ATIC: variants seen among roughly 807,000 people sequenced by gnomAD.
The protein encoded by ATIC is 5-aminoimidazole-4-carboxamide ribonucleotide formyltransferase/IMP cyclohydrolase.
A neutral mutation model predicts 72.5 loss-of-function variants in ATIC; 64 were observed. The observed-to-expected ratio is 0.88, with a 90% CI of 0.72 to 1.09. The LOEUF is 1.09. Among genes scored for constraint, ATIC ranks in the 50% least tolerant of loss-of-function variants. ATIC has a pLI of 0.00. For missense variants in ATIC, 787 were observed against 732.4 expected, an observed-to-expected ratio of 1.07 and a Z score of -0.86; for synonymous variants, 281 against 267.1, an observed-to-expected ratio of 1.05 and a Z score of -0.51.
At chr2:215,324,905 C>A (rs937917371) in intron 4 of ATIC, among the ~76,000 whole-genome samples, 3 of 152,038 alleles carry the variant, frequency 2.0e-5, no homozygotes, top group Non-Finnish European at 1.5e-5. Flanking sequence ...GTACTTTATA[C>A]TTCTATTAAA....
chr2:215,322,360 G>A (rs1181323570), intron 4 of ATIC, among the ~76,000 whole-genome samples: 2 of 130,386 alleles, frequency 1.5e-5, no homozygotes, highest in Non-Finnish European at 3.2e-5. Context: ...ATGGAGTTTC[G>A]CTCTTGTTGC....
In ATIC at chr2:215,318,192, T is replaced by TG. The variant is rs1181586514; in HGVS notation, c.188dup (p.Arg64ThrfsTer17). ...GAGTTGACGGGATTTCCTGAAATGTTGGGGGGACGTGTGAAAACTTTGCAT... is the reference window on the plus strand; with the variant it reads ...GAGTTGACGGGATTTCCTGAAATGTTGGGGGGGACGTGTGAAAACTTTGCAT... On this transcript the variant is annotated frameshift_variant, in exon 3 of 16. Transcript: ENST00000236959. LOFTEE classifies it high-confidence loss of function. 1 of 1,614,142 alleles carries TG rather than the reference T, an allele frequency of 6.2e-7. No homozygotes were observed. The highest frequency in any genetic ancestry group is 8.5e-7 in the Non-Finnish European group (1 of 1,180,006).
At chr2:215,367,680 C>T in the ATIC span, 1 of 661,694 alleles carries the variant, frequency 1.5e-6, no homozygotes, top group Non-Finnish European at 2.7e-6. Context: ...CAATGTCCAA[C>T]AAGTAAAATT....
chr2:215,312,784 CAG>C (rs1372264577), intron 2 of ATIC, among the ~76,000 whole-genome samples, 160 bp downstream of exon 2: 1 of 152,124 alleles, frequency 6.6e-6, no homozygotes, highest in African/African-American at 2.4e-5. Flanking sequence ...AAGTGAGGCT[CAG>C]AGAGATTTAG....
chr2:215,317,646 C>T (rs574629722), intron 2 of ATIC, among the ~76,000 whole-genome samples: 5 of 152,136 alleles, frequency 3.3e-5, no homozygotes, highest in East Asian at 3.9e-4. Flanking sequence ...CCATCACGCT[C>T]GGCTAATTTT....
intron 7 of ATIC, among the ~76,000 whole-genome samples, chr2:215,329,686 G>T (rs180700802): frequency 3.3e-5 from 5 of 152,312 alleles, no homozygotes; most frequent in Admixed American, 2.6e-4. Flanking sequence ...ACTAGATTAA[G>T]CAACTTTCAG....
rs372636429 is a variant in ATIC at position 215,312,500 on chromosome 2, T to C, written c.22T>C (p.Leu8=). The C allele has an allele frequency of 3.1e-6, 5 of 1,614,214 alleles. No homozygotes were observed. Among genetic ancestry groups the C allele is most frequent in the Non-Finnish European group, 8.5e-7 (1 of 1,180,030 alleles). MAPGQLA[L]FSVSDKTGLV... ...AGAAAAAATGTCTTCTCTTTCAGCC[T>C]TATTTAGTGTCTCTGACAAAACCGG... is the stretch of plus-strand genomic sequence containing the variant. Residue 8 remains leucine (L), a splice_region_variant and synonymous_variant, in exon 2 of 16, where the codon TTA becomes CTA. Coordinates refer to ENST00000236959, the MANE Select transcript of ATIC (RefSeq NM_004044.7).
At chr2:215,366,345 T>G in the ATIC span, among the ~76,000 whole-genome samples, 1 of 152,136 alleles carries the variant, frequency 6.6e-6, no homozygotes, top group East Asian at 1.9e-4. Context: ...CACTTTTGGA[T>G]TTGCAGAAAC....
rs533205793 is a variant in ATIC at position 215,326,332 on chromosome 2, C to T, written c.531+194C>T. On this transcript the variant is annotated intron_variant, in intron 6 of 15. Transcript: ENST00000236959. ...AAAAAGATTGAAAGAGAGCTGGGCG[C>T]GGTGGCTCACGCCTGTAATCCTAGC... is the stretch of plus-strand genomic sequence containing the variant. 4.6e-5 allele frequency among the ~76,000 whole-genome samples: 7 copies of T among 152,204 alleles called. No individual in the cohort carries two copies. In the East Asian group the frequency reaches 5.8e-4, roughly 13 times the overall value.
intron 14 of ATIC, among the ~76,000 whole-genome samples, chr2:215,348,281 T>G (rs2053092740): frequency 6.6e-6 from 1 of 152,200 alleles, no homozygotes; most frequent in African/African-American, 2.4e-5. Flanking sequence ...ATAAATGTAG[T>G]TAAAGAACTA....
intron 11 of ATIC, 53 bp from the exon 12 acceptor site, chr2:215,338,726 A>G: frequency 6.3e-7 from 1 of 1,575,158 alleles, no homozygotes; most frequent in Non-Finnish European, 8.7e-7. Flanking sequence ...ATTAAATGAA[A>G]AATTTGAGGG....
intron 7 of ATIC, among the ~76,000 whole-genome samples, 192 bp from the exon 8 acceptor site, chr2:215,332,190 A>AT (rs1196879375): frequency 2.8e-5 from 4 of 142,034 alleles, no homozygotes; most frequent in East Asian, 2.0e-4. Flanking sequence ...GTACATGTGC[A>AT]TTTTTTTTAA....
At chr2:215,347,704 T>A in intron 14 of ATIC, 1 of 479,222 alleles carries the variant, frequency 2.1e-6, no homozygotes, top group Non-Finnish European at 4.2e-6. Flanking sequence ...TTTTTTCAAC[T>A]TTGATACTTG....
intron 7 of ATIC, among the ~76,000 whole-genome samples, chr2:215,332,079 A>G (rs1559273516): frequency 6.6e-6 from 1 of 151,440 alleles, no homozygotes; most frequent in Non-Finnish European, 1.5e-5. Flanking sequence ...TCCCATCCCT[A>G]AATCTCTTAT....
Position 215,312,152 on chromosome 2 carries a change from G to A in ATIC, c.10G>A (p.Gly4Ser). The A allele has an allele frequency of 1.3e-6, 2 of 1,523,220 alleles. No individual in the cohort carries two copies. The highest frequency in any genetic ancestry group is 1.8e-6 in the Non-Finnish European group (2 of 1,142,326). The allele number at this position is 1,523,220 out of a possible 1,614,324, so 94.4% of individuals were successfully genotyped here. ...CCCAGTGCCTGCAGCCATGGCTCCC[G>A]GCCAGCTCGGTGAGGCCCTAGCGGA... is the stretch of plus-strand genomic sequence containing the variant. MAP[G>S]QLALFSVSDK... Residue 4 changes from glycine to serine, a missense_variant, in exon 1 of 16, where the codon GGC (glycine) becomes AGC (serine). Gly to Ser is a moderately conservative substitution (Grantham distance 56). Transcript: ENST00000236959.
intron 2 of ATIC, among the ~76,000 whole-genome samples, chr2:215,316,159 C>G (rs531937583): frequency 6.6e-6 from 1 of 152,046 alleles, no homozygotes; most frequent in Admixed American, 6.5e-5. Context: ...TTCTTCAGTT[C>G]AAAGGAGTAG....
chr2:215,341,936 T>C (rs1353335786), intron 12 of ATIC, among the ~76,000 whole-genome samples: 2 of 152,144 alleles, frequency 1.3e-5, no homozygotes, highest in African/African-American at 4.8e-5. Flanking sequence ...AGGAATCTTA[T>C]AATCATGGCA....
At chr2:215,361,615 G>A in the ATIC span, 2 of 1,609,698 alleles carry the variant, frequency 1.2e-6, no homozygotes, top group Admixed American at 1.7e-5. Flanking sequence ...ACTCAATTGG[G>A]CAATTAACAT....
At chr2:215,365,966 A>ATTTTTTTTTTTTTTTTTTTT in the ATIC span, among the ~76,000 whole-genome samples, 4 of 90,354 alleles carry the variant, frequency 4.4e-5, no homozygotes, top group Non-Finnish European at 6.1e-5. Context: ...CCACAGTGCT[A>ATTTTTTTTTTTTTTTTTTTT]TTTTTTTTTT....
Sources: allele counts gnomAD v4.1 joint callset (sites outside exome capture counted in the v4.1 genomes callset), GRCh38; gene constraint gnomAD v4.1.1; transcripts MANE v1.5; gene names NCBI Gene and HGNC (gene_info 2026-07-23, HGNC 2026-07-21).